Variants in PIP4K2B observed in about 807,000 individuals in gnomAD.
PIP4K2B encodes the protein phosphatidylinositol 5-phosphate 4-kinase type-2 beta.
Under a neutral mutation model 42.0 loss-of-function variants are expected in PIP4K2B, and 3 were observed. The ratio of observed to expected loss-of-function variants is 0.07; its 90% confidence interval spans 0.03 to 0.18. The LOEUF (loss-of-function observed/expected upper bound fraction) is 0.18, where lower values mean the gene tolerates loss of function less well. PIP4K2B is among the 10% of genes least tolerant of loss of function. The pLI, the probability that PIP4K2B is intolerant of heterozygous loss-of-function variation, is 1.00. For synonymous variants in PIP4K2B, 204 were observed against 210.1 expected (o/e 0.97, Z 0.25); for missense variants, 332 against 562.3 (o/e 0.59, Z 4.14).
At chr17:38,785,757 G>A (rs1909974769) in intron 2 of PIP4K2B, among the ~76,000 whole-genome samples, 1 of 152,164 alleles carries the variant, frequency 6.6e-6, no homozygotes, top group Admixed American at 6.5e-5. Flanking sequence ...AAGAAAATAA[G>A]AGATTGGGTT....
In PIP4K2B at chr17:38,799,529, A is replaced by T. The variant is rs1390545695; in HGVS notation, c.-105T>A. On this transcript the variant is annotated 5_prime_UTR_variant, in exon 1 of 10. The change abolishes the stop of an existing upstream ORF in the 5' untranslated region. Transcript: ENST00000619039. The surrounding 1 kb of genome is among the most constrained non-coding windows in gnomAD (Gnocchi z 4.4). ...GACCGATCCCCACCCCCGCTCCCTC[A>T]CCGCGCCATGGTCGCGCCCGTCCCG... is the stretch of plus-strand genomic sequence containing the variant. 4.6e-6 allele frequency: 6 copies of T among 1,292,306 alleles called. 1 individual carries two copies. In the South Asian group the frequency reaches 1.2e-4, roughly 25 times the overall value. 80.1% of individuals were successfully genotyped at this position (1,292,306 alleles called of 1,614,324 possible).
intron 1 of PIP4K2B, among the ~76,000 whole-genome samples, chr17:38,793,235 G>A (rs1030527016): frequency 2.8e-4 from 41 of 144,526 alleles, no homozygotes; most frequent in Middle Eastern, 4.4e-3. Context: ...AGCCATCTCT[G>A]AAGATTTTTT....
chr17:38,773,336 A>G (rs558888503), intron 7 of PIP4K2B, among the ~76,000 whole-genome samples: 3 of 152,232 alleles, frequency 2.0e-5, no homozygotes, highest in East Asian at 3.9e-4. Context: ...AATATTCTCA[A>G]CCCATTCCCT....
chr17:38,799,203 G>T lies in PIP4K2B; in HGVS notation c.159+63C>A, dbSNP rs1910819288. On this transcript the variant is annotated intron_variant, in intron 1 of 9. Transcript: ENST00000619039. The surrounding 1 kb of genome is among the most constrained non-coding windows in gnomAD (Gnocchi z 4.4). ...GCAGGGCCTGCGGGGCAAGGGCCCA[G>T]GGCTGCAGGGGGCGTGGGAGCGCGC... 1.0e-5 allele frequency: 15 copies of T among 1,501,612 alleles called. No homozygotes were observed. Among genetic ancestry groups the T allele is most frequent in the African/African-American group, 2.9e-5 (2 of 69,452 alleles). The allele number at this position is 1,501,612 out of a possible 1,614,324, so 93.0% of individuals were successfully genotyped here.
chr17:38,779,308 G>T, intron 5 of PIP4K2B, 75 bp downstream of exon 5: 1 of 1,416,424 alleles, frequency 7.1e-7, no homozygotes, highest in Non-Finnish European at 9.8e-7. Flanking sequence ...CCAATTACAT[G>T]GAAGTTGGAG....
intron 3 of PIP4K2B, among the ~76,000 whole-genome samples, chr17:38,781,023 T>C (rs1320080988): frequency 1.3e-5 from 2 of 152,142 alleles, no homozygotes; most frequent in Non-Finnish European, 2.9e-5. Context: ...AGATGCAGAC[T>C]GAGCTGATTC....
chr17:38,791,073 G>GA (rs201609458), intron 1 of PIP4K2B, among the ~76,000 whole-genome samples: 1 of 151,612 alleles, frequency 6.6e-6, no homozygotes, highest in Non-Finnish European at 1.5e-5. Flanking sequence ...TCAGGGAGAT[G>GA]AAAAAAAACC....
intron 7 of PIP4K2B, among the ~76,000 whole-genome samples, chr17:38,773,007 C>G (rs1001232705): frequency 6.6e-6 from 1 of 152,168 alleles, no homozygotes; most frequent in Non-Finnish European, 1.5e-5. Context: ...AAAAAATTCA[C>G]GCATAGTATA....
chr17:38,799,162 G>T lies in PIP4K2B; in HGVS notation c.159+104C>A. ...GGGCGTGCAAGTGGCTTGGCGAGGG[G>T]TGGCAGGCGTCACCGGCAGGGCCTG... On this transcript the variant is annotated intron_variant, in intron 1 of 9. Transcript: ENST00000619039. This position sits in a 1 kb window ranked among gnomAD's most constrained non-coding sequence, Gnocchi z 4.4. The T allele has an allele frequency of 8.0e-7, 1 of 1,246,844 alleles. No individual in the cohort carries two copies. Among genetic ancestry groups the T allele is most frequent in the Non-Finnish European group, 1.1e-6 (1 of 938,966 alleles). 77.2% of individuals were successfully genotyped at this position (1,246,844 alleles called of 1,614,324 possible).
At chr17:38,782,583 C>A (rs1372434079) in intron 3 of PIP4K2B, among the ~76,000 whole-genome samples, 1 of 152,212 alleles carries the variant, frequency 6.6e-6, no homozygotes, top group East Asian at 1.9e-4. Flanking sequence ...GGAGGAACCT[C>A]CCAGTACCTC....
At chr17:38,783,915 G>T (rs1286530735) in intron 3 of PIP4K2B, among the ~76,000 whole-genome samples, 2 of 152,168 alleles carry the variant, frequency 1.3e-5, no homozygotes, top group Non-Finnish European at 2.9e-5. Context: ...TCTCTTTGAA[G>T]TCAAACTACG....
chr17:38,769,673 G>A lies in PIP4K2B; in HGVS notation c.*18C>T, dbSNP rs367882422. The A allele has an allele frequency of 1.4e-6, 2 of 1,392,914 alleles. No individual in the cohort carries two copies. Among genetic ancestry groups the A allele is most frequent in the Non-Finnish European group, 2.0e-6 (2 of 977,970 alleles). The allele number at this position is 1,392,914 out of a possible 1,614,324, so 86.3% of individuals were successfully genotyped here. On this transcript the variant is annotated 3_prime_UTR_variant, in exon 10 of 10. Coordinates refer to ENST00000619039, the MANE Select transcript of PIP4K2B (RefSeq NM_003559.5). ...CCCCATATCCAGCTCTCTGGCTCTG[G>A]CTGAAGGTAGAAGAGAACTACGTCA...
intron 1 of PIP4K2B, among the ~76,000 whole-genome samples, chr17:38,788,503 A>G (rs1025769917): frequency 4.6e-5 from 7 of 151,788 alleles, no homozygotes; most frequent in African/African-American, 1.2e-4. Context: ...CCCGGCTGTA[A>G]TAGATTAAAG....
chr17:38,798,922 GA>G (rs1489180468), intron 1 of PIP4K2B, among the ~76,000 whole-genome samples: 1 of 152,232 alleles, frequency 6.6e-6, no homozygotes, highest in African/African-American at 2.4e-5. Flanking sequence ...CAAACAGGAT[GA>G]GGGGGGAGGA....
At chr17:38,796,318 T>A (rs965341625) in intron 1 of PIP4K2B, among the ~76,000 whole-genome samples, 1 of 152,182 alleles carries the variant, frequency 6.6e-6, no homozygotes, top group Non-Finnish European at 1.5e-5. Flanking sequence ...TGGCAGTTTC[T>A]CAAATGGTTA....
chr17:38,798,171 TGAACCTAAA>T (rs1204903372), intron 1 of PIP4K2B, among the ~76,000 whole-genome samples: 5 of 152,320 alleles, frequency 3.3e-5, no homozygotes, highest in African/African-American at 1.2e-4. Flanking sequence ...CACTCACAAG[TGAACCTAAA>T]GAACTGAAAT....
intron 3 of PIP4K2B, among the ~76,000 whole-genome samples, chr17:38,783,195 CA>C (rs35913511): frequency 6.3e-4 from 35 of 55,898 alleles, no homozygotes; most frequent in African/African-American, 2.5e-3. Context: ...AACTCCATCT[CA>C]AAAAAAAAAA....
intron 1 of PIP4K2B, among the ~76,000 whole-genome samples, chr17:38,794,242 A>G (rs911616093): frequency 1.3e-5 from 2 of 152,130 alleles, no homozygotes; most frequent in East Asian, 1.9e-4. Flanking sequence ...CATATATTGC[A>G]TGATTCTCCT....
chr17:38,770,865 A>T lies in PIP4K2B; in HGVS notation c.1066+149T>A, dbSNP rs1047765157. On this transcript the variant is annotated intron_variant, in intron 8 of 9. Transcript: ENST00000619039. ...GGAGGAGCCCCAGGTTCAGGTGGTG[A>T]CCCTGGATGGGAATCTGGAGGCAGA... 5.9e-6 allele frequency: 5 copies of T among 847,808 alleles called. No individual in the cohort carries two copies. The African/African-American group carries it at 6.8e-5, about 12-fold the overall frequency. The allele number at this position is 847,808 out of a possible 1,614,324, so 52.5% of individuals were successfully genotyped here.
Sources: allele counts gnomAD v4.1 joint callset (sites outside exome capture counted in the v4.1 genomes callset), GRCh38; gene constraint gnomAD v4.1.1; non-coding constraint Gnocchi (gnomAD v3.1); transcripts MANE v1.5; gene names NCBI Gene and HGNC (gene_info 2026-07-23, HGNC 2026-07-21).